COL4A3: variants seen among roughly 807,000 people sequenced by gnomAD.
COL4A3 encodes collagen alpha-3(IV) chain.
Under a neutral mutation model 217.4 loss-of-function variants are expected in COL4A3, and 135 were observed. The observed-to-expected ratio is 0.62, with a 90% CI of 0.54 to 0.72. COL4A3 has a LOEUF of 0.72. Ranked by LOEUF, COL4A3 falls within the 30% of genes least tolerant of loss-of-function variation. The pLI is 0.00. For synonymous variants in COL4A3, 690 were observed against 736.3 expected, an observed-to-expected ratio of 0.94 and a Z score of 1.02; for missense variants, 1,868 against 2,119.9, an observed-to-expected ratio of 0.88 and a Z score of 2.33.
At chr2:227,240,008 T>A (rs1321011926) in intron 2 of COL4A3, 135 bp from the exon 3 acceptor site, 1 of 864,398 alleles carries the variant, frequency 1.2e-6, no homozygotes, top group Non-Finnish European at 1.9e-6. Context: ...CTAATTATGA[T>A]TTTTTTAATC....
intron 16 of COL4A3, 45 bp downstream of exon 16, chr2:227,256,115 C>T: frequency 6.4e-7 from 1 of 1,557,914 alleles, no homozygotes; most frequent in Non-Finnish European, 8.9e-7. Context: ...AATGTCAGTC[C>T]TACTAGCTGA....
At chr2:227,199,632 C>T (rs1357231710) in intron 1 of COL4A3, among the ~76,000 whole-genome samples, 3 of 152,152 alleles carry the variant, frequency 2.0e-5, no homozygotes, top group South Asian at 2.1e-4. Flanking sequence ...TCTGCATTGT[C>T]GTCCATAACC....
chr2:227,228,247 T>C (rs2125848398), intron 1 of COL4A3, among the ~76,000 whole-genome samples: 1 of 152,246 alleles, frequency 6.6e-6, no homozygotes, highest in South Asian at 2.1e-4. Flanking sequence ...CGCAAAGCAG[T>C]CCATGGGTGT....
At chr2:227,176,818 G>A (rs1270141444) in intron 1 of COL4A3, among the ~76,000 whole-genome samples, 3 of 152,140 alleles carry the variant, frequency 2.0e-5, no homozygotes, top group East Asian at 1.9e-4. Context: ...TGTCTGGAGA[G>A]ACCCAAGGCA....
intron 1 of COL4A3, among the ~76,000 whole-genome samples, chr2:227,209,183 T>A (rs1287094260): frequency 6.6e-6 from 1 of 152,192 alleles, no homozygotes. Flanking sequence ...CAGGGGTACT[T>A]GAAAGGTCAT....
intron 1 of COL4A3, among the ~76,000 whole-genome samples, chr2:227,203,293 ATGTG>A (rs1491134295): frequency 2.4e-5 from 2 of 84,102 alleles, no homozygotes; most frequent in Non-Finnish European, 4.7e-5. Context: ...ATATACATAT[ATGTG>A]TATATATGTG....
intron 43 of COL4A3, among the ~76,000 whole-genome samples, chr2:227,302,631 C>T (rs1287713643): frequency 7.4e-6 from 1 of 134,360 alleles, no homozygotes; most frequent in Non-Finnish European, 1.5e-5. Context: ...AAGCCAAGAT[C>T]ATGCCACTGC....
chr2:227,303,898 C>T lies in COL4A3; in HGVS notation c.3995C>T (p.Pro1332Leu), dbSNP rs757747350. The T allele has an allele frequency of 1.9e-6, 3 of 1,614,100 alleles. No homozygotes were observed. Among genetic ancestry groups the T allele is most frequent in the African/African-American group, 1.3e-5 (1 of 74,948 alleles). The part of the protein sequence containing the change: ...GNPGFLGSIG[P>L]PGPIGPKGPP... ...CCTGGATTTCTAGGATCCATTGGACCTCCAGGACCAATTGGGCCAAAAGGA... is the reference window on the plus strand; with the variant it reads ...CCTGGATTTCTAGGATCCATTGGACTTCCAGGACCAATTGGGCCAAAAGGA... Residue 1332 changes from proline (P) to leucine (L), a missense_variant, in exon 45 of 52, where the codon CCT (proline) becomes CTT (leucine). By Grantham distance (98) the Pro-to-Leu change is moderately conservative. This residue lies in a region of COL4A3 where 1,503 missense variants were observed against 1,786.1 expected (regional missense o/e 0.84). Coordinates refer to ENST00000396578, the MANE Select transcript of COL4A3 (RefSeq NM_000091.5).
chr2:227,229,093 G>A (rs2068250340), intron 1 of COL4A3, among the ~76,000 whole-genome samples: 1 of 152,180 alleles, frequency 6.6e-6, no homozygotes, highest in African/African-American at 2.4e-5. Flanking sequence ...TCTGGAACTG[G>A]TGCCCTTCAC....
At position 227,298,720 on chromosome 2, in the gene COL4A3, A is replaced by G. The variant is rs1553764410; in HGVS notation, c.3790A>G (p.Ile1264Val). 2 of 1,614,080 alleles carry G rather than the reference A, an allele frequency of 1.2e-6. No individual in the cohort carries two copies. The highest frequency in any genetic ancestry group is 1.7e-6 in the Non-Finnish European group (2 of 1,179,986). ...GPPGPPGSHV[I>V]GIKGDKGSMG... is the part of the protein sequence containing the mutation. ...CCCTGGACCTCCAGGGAGTCATGTA[A>G]TAGGCATAAAAGGAGACAAAGGGTC... The change falls in exon 43 of 52, where the codon ATA (isoleucine) becomes GTA (valine). Residue 1264 changes from isoleucine (I) to valine (V), a missense_variant. Around this residue, in one of 2 missense-constraint regions of COL4A3, gnomAD observed 1,503 missense variants for 1,786.1 expected, o/e 0.84. Transcript: ENST00000396578.
chr2:227,204,447 G>T (rs2067023121), intron 1 of COL4A3, among the ~76,000 whole-genome samples: 2 of 150,994 alleles, frequency 1.3e-5, no homozygotes, highest in South Asian at 2.1e-4. Context: ...CTATAGTTCT[G>T]CCAGTGACTC....
At chr2:227,171,874 C>T (rs756994309) in intron 1 of COL4A3, among the ~76,000 whole-genome samples, 3 of 152,132 alleles carry the variant, frequency 2.0e-5, no homozygotes, top group Non-Finnish European at 4.4e-5. Context: ...GCAAGTGCCT[C>T]GTTTCACCTT....
intron 1 of COL4A3, among the ~76,000 whole-genome samples, chr2:227,187,496 C>A (rs1242180911): frequency 2.6e-5 from 4 of 152,056 alleles, no homozygotes; most frequent in Non-Finnish European, 5.9e-5. Context: ...GGGTTTCTTG[C>A]AGGGGAGGAA....
Position 227,203,459 on chromosome 2 carries a change from ATG to A in COL4A3, c.88-34503_88-34502del, listed in dbSNP as rs1439934408. 2.0e-4 allele frequency among the ~76,000 whole-genome samples: 9 copies of A among 44,742 alleles called. 2 individuals carry two copies. Among genetic ancestry groups the A allele is most frequent in the Non-Finnish European group, 3.2e-4 (8 of 24,632 alleles). 29.4% of individuals were successfully genotyped at this position (44,742 alleles called of 152,430 possible). On this transcript the variant is annotated intron_variant, in intron 1 of 51. Coordinates refer to ENST00000396578, the MANE Select transcript of COL4A3 (RefSeq NM_000091.5). ...TGTGTATATGTGTATACATACATAT[ATG>A]TGTGTATATATGTGTATACATATGT...
intron 16 of COL4A3, 81 bp downstream of exon 16, chr2:227,256,151 T>A: frequency 7.1e-7 from 1 of 1,415,044 alleles, no homozygotes; most frequent in Non-Finnish European, 1.0e-6. Flanking sequence ...AATCACTAAA[T>A]AGTTATAAAC....
At chr2:227,230,050 CAAA>C (rs778888378) in intron 1 of COL4A3, among the ~76,000 whole-genome samples, 4 of 68,920 alleles carry the variant, frequency 5.8e-5, no homozygotes, top group African/African-American at 5.9e-5. Context: ...GACTCCATCT[CAAA>C]AAAAAAAAAA....
At chr2:227,187,422 C>A (rs2066072774) in intron 1 of COL4A3, among the ~76,000 whole-genome samples, 1 of 152,090 alleles carries the variant, frequency 6.6e-6, no homozygotes, top group Non-Finnish European at 1.5e-5. Context: ...AGTACAGCAG[C>A]AGGGATGAGC....
intron 1 of COL4A3, among the ~76,000 whole-genome samples, chr2:227,203,870 C>G (rs944143443): frequency 6.6e-6 from 1 of 151,756 alleles, no homozygotes; most frequent in African/African-American, 2.4e-5. Context: ...ATATTTGCCA[C>G]ATATCAAGCC....
Position 227,164,882 on chromosome 2 carries a change from TG to T in COL4A3, c.87+71del. On this transcript the variant is annotated intron_variant, in intron 1 of 51. Coordinates refer to ENST00000396578, the MANE Select transcript of COL4A3 (RefSeq NM_000091.5). This position sits in a 1 kb window ranked among gnomAD's most constrained non-coding sequence, Gnocchi z 4.8. ...TCCTCCACGCGTCCGGGGGACGCGC[TG>T]GCCCCACCCGCAGCGGCGCGGTAGT... 3 of 1,390,252 alleles carry T rather than the reference TG, an allele frequency of 2.2e-6. No individual in the cohort carries two copies. The allele number at this position is 1,390,252 out of a possible 1,614,324, so 86.1% of individuals were successfully genotyped here.
Sources: gnomAD v4.1 joint callset for allele counts (sites outside exome capture counted in the v4.1 genomes callset) on GRCh38, gnomAD v4.1.1 for gene constraint, gnomAD v4.1.1 regional missense constraint, Gnocchi (gnomAD v3.1) non-coding constraint, MANE v1.5 for transcripts, NCBI Gene and HGNC (gene_info 2026-07-23, HGNC 2026-07-21) for gene names.